The following PCDHGA4 variants were observed in gnomAD, a reference collection of about 807,000 sequenced individuals.
PCDHGA4 encodes protocadherin gamma subfamily A, 4, also known as protocadherin gamma-A4.
PCDHGA4 carries 38 observed loss-of-function variants against 54.6 expected under a neutral mutation model. The ratio of observed to expected loss-of-function variants is 0.70; its 90% CI spans 0.54 to 0.91. The LOEUF is 0.91. PCDHGA4 is among the 40% of genes least tolerant of loss of function. PCDHGA4 has a pLI of 0.00. For synonymous variants in PCDHGA4, 511 were observed against 512.9 expected (o/e 1.00, Z 0.05); for missense variants, 1,298 against 1,220.9 (o/e 1.06, Z -0.94).
At chr5:141,488,183 T>C (rs1249953031) in intron 1 of PCDHGA4, among the ~76,000 whole-genome samples, 1 of 152,148 alleles carries the variant, frequency 6.6e-6, no homozygotes, top group Non-Finnish European at 1.5e-5. Flanking sequence ...CATAGATCTT[T>C]TGGTCTGGGT....
intron 1 of PCDHGA4, chr5:141,370,790 C>G: frequency 6.2e-7 from 1 of 1,614,040 alleles, no homozygotes; most frequent in East Asian, 2.2e-5. Context: ...ACCCACCGAC[C>G]TTTAGCCAAA....
chr5:141,372,472 T>C (rs1768797135), intron 1 of PCDHGA4: 8 of 1,614,034 alleles, frequency 5.0e-6, no homozygotes, highest in African/African-American at 1.3e-5. Flanking sequence ...TTTCACCTAG[T>C]AGTGGCGTTG....
intron 1 of PCDHGA4, among the ~76,000 whole-genome samples, chr5:141,434,409 T>G (rs2097692930): frequency 6.6e-6 from 1 of 152,232 alleles, no homozygotes; most frequent in South Asian, 2.1e-4. Context: ...TCTGCAGCAC[T>G]GTGACATGTT....
rs531773756 is a variant in PCDHGA4 at position 141,417,037 on chromosome 5, TTA to T, written c.2514+59417_2514+59418del. On this transcript the variant is annotated intron_variant, in intron 1 of 3. Coordinates refer to ENST00000571252, the MANE Select transcript of PCDHGA4 (RefSeq NM_018917.4). ...ATTTTGAAAAATACAGGTTTTTTTT[TTA>T]AAAAAAACTGCTCTTGACATTGTAG... 5.9e-5 allele frequency: 9 copies of T among 151,574 alleles called. 1 individual carries two copies. Among genetic ancestry groups the T allele is most frequent in the Admixed American group, 2.0e-4 (3 of 15,204 alleles). The allele number at this position is 151,574 out of a possible 1,614,324, so 9.4% of individuals were successfully genotyped here.
chr5:141,365,977 C>A (rs1374916355), intron 1 of PCDHGA4: 5 of 1,614,110 alleles, frequency 3.1e-6, no homozygotes, highest in African/African-American at 2.7e-5. Context: ...TGTCGCTGAG[C>A]CTGTTTGTGC....
rs749514405 is a variant in PCDHGA4, at chr5:141,361,238, T to A, written c.2514+3617T>A. The A allele has an allele frequency of 1.9e-6, 3 of 1,613,980 alleles. No individual in the cohort carries two copies. The Admixed American group carries it at 5.0e-5, about 27-fold the overall frequency. ...TCGCCACCAGGAACAGTGATCGCCT[T>A]GATAAAAACGAGAGACAGAGACTCT... is the stretch of plus-strand genomic sequence containing the variant. On this transcript the variant is annotated intron_variant, in intron 1 of 3. Coordinates refer to ENST00000571252, the MANE Select transcript of PCDHGA4 (RefSeq NM_018917.4).
rs200109598 is a variant in PCDHGA4 at position 141,388,741 on chromosome 5, A to C, written c.2514+31120A>C. ...ACTTTCTCTTTCAGTGAAGCTAGCC[A>C]GATCACCCAATTTGACCTGAACTCT... is the stretch of plus-strand genomic sequence containing the variant. On this transcript the variant is annotated intron_variant, in intron 1 of 3. Transcript: ENST00000571252. The C allele has an allele frequency of 1.3e-4, 203 of 1,613,906 alleles. No individual in the cohort carries two copies. The highest frequency in any genetic ancestry group is 1.7e-4 in the Non-Finnish European group (198 of 1,179,898).
chr5:141,408,773 T>C, intron 1 of PCDHGA4: 1 of 1,611,652 alleles, frequency 6.2e-7, no homozygotes, highest in Non-Finnish European at 8.5e-7. Flanking sequence ...TGGTGGCAAA[T>C]ACCCAGAGTT....
At chr5:141,394,789 C>A (rs747304715) in intron 1 of PCDHGA4, 1 of 1,613,728 alleles carries the variant, frequency 6.2e-7, no homozygotes, top group South Asian at 1.1e-5. Context: ...GCCACTGTCA[C>A]GCTCACCGTA....
chr5:141,393,057 G>A lies in PCDHGA4; in HGVS notation c.2514+35436G>A, dbSNP rs1273747847. On this transcript the variant is annotated intron_variant, in intron 1 of 3. Transcript: ENST00000571252. ...GCTCTTTGCTCTGAACCCGCGCAGC[G>A]GCAGCTTGATCACCGCGGGCAGGAT... 6 of 1,613,514 alleles carry A rather than the reference G, an allele frequency of 3.7e-6. No homozygotes were observed. The African/African-American group carries it at 4.0e-5, about 11-fold the overall frequency.
intron 1 of PCDHGA4, chr5:141,415,740 G>GTTTTGTTTTT (rs2095911163): frequency 1.9e-6 from 1 of 515,998 alleles, no homozygotes; most frequent in African/African-American, 2.8e-5. Context: ...GTTTATTAAG[G>GTTTTGTTTTT]TTTTTTTTTT....
rs1451071413 is a variant in PCDHGA4, at chr5:141,415,742, T to G, written c.2514+58121T>G. 19 of 216,608 alleles carry G rather than the reference T, an allele frequency of 8.8e-5. 1 individual carries two copies. In the Admixed American group the frequency reaches 4.5e-3, roughly 51 times the overall value. 13.4% of individuals were successfully genotyped at this position (216,608 alleles called of 1,614,324 possible). ...AGTAGAATTTGATGTTTATTAAGGT[T>G]TTTTTTTTTTTTTTTTTTTTTTTTT... On this transcript the variant is annotated intron_variant, in intron 1 of 3. Transcript: ENST00000571252.
Position 141,364,330 on chromosome 5 carries a change from A to C in PCDHGA4, c.2514+6709A>C, listed in dbSNP as rs765774882. The C allele has an allele frequency of 8.9e-5, 137 of 1,531,760 alleles. 1 individual carries two copies. The highest frequency in any genetic ancestry group is 7.0e-6 in the Non-Finnish European group (8 of 1,143,452). The allele number at this position is 1,531,760 out of a possible 1,614,324, so 94.9% of individuals were successfully genotyped here. On this transcript the variant is annotated intron_variant, in intron 1 of 3. Transcript: ENST00000571252. ...AGAGAAAATTGGGCAGAGAGAAGGC[A>C]ATGGCGAGTCCACCTAGGGGCTGGG...
intron 1 of PCDHGA4, chr5:141,404,498 G>A (rs1237860716): frequency 6.2e-7 from 1 of 1,613,878 alleles, no homozygotes; most frequent in East Asian, 2.2e-5. Context: ...TGTGCTGTAT[G>A]CTCTGTGCTC....
Position 141,487,503 on chromosome 5 carries a change from C to T in PCDHGA4, c.2515-7304C>T. On this transcript the variant is annotated intron_variant, in intron 1 of 3. Transcript: ENST00000571252. The surrounding 1 kb of genome is among the most constrained non-coding windows in gnomAD (Gnocchi z 5.0). The stretch of plus-strand genomic sequence containing the variant: ...TCTCATGGCTGTACACCCTTGGCTT[C>T]TGCACCCACTCGGAGTGATAGCTTC... 1 of 1,614,220 alleles carries T rather than the reference C, an allele frequency of 6.2e-7. No homozygotes were observed. Among genetic ancestry groups the T allele is most frequent in the Non-Finnish European group, 8.5e-7 (1 of 1,180,042 alleles).
intron 1 of PCDHGA4, chr5:141,398,829 C>T (rs1020690994): frequency 3.1e-6 from 5 of 1,613,876 alleles, no homozygotes; most frequent in African/African-American, 2.7e-5. Context: ...AGGTAACCGA[C>T]GCCAATGATA....
At chr5:141,422,187 T>A in intron 1 of PCDHGA4, 1 of 1,561,762 alleles carries the variant, frequency 6.4e-7, no homozygotes, top group South Asian at 1.2e-5. Context: ...AGATGGAAAT[T>A]CAAGGCCAAG....
At chr5:141,458,891 G>A (rs775720263) in intron 1 of PCDHGA4, among the ~76,000 whole-genome samples, 10 of 151,976 alleles carry the variant, frequency 6.6e-5, no homozygotes, top group South Asian at 2.1e-4. Context: ...CACACCATGC[G>A]CAGCTAATTT....
Position 141,432,856 on chromosome 5 carries a change from G to A in PCDHGA4, c.2515-61951G>A, listed in dbSNP as rs773243805. 8.7e-6 allele frequency: 14 copies of A among 1,614,024 alleles called. No homozygotes were observed. The highest frequency in any genetic ancestry group is 1.3e-5 in the African/African-American group (1 of 74,908). ...TGTACCTGGTGGTAGCGGTGGCCGC[G>A]GTCTCCTGCGTCTTCCTGGCCTTCG... On this transcript the variant is annotated intron_variant, in intron 1 of 3. Coordinates refer to ENST00000571252, the MANE Select transcript of PCDHGA4 (RefSeq NM_018917.4). The surrounding 1 kb of genome is among the most constrained non-coding windows in gnomAD (Gnocchi z 6.0).
Sources: allele counts gnomAD v4.1 joint callset (sites outside exome capture counted in the v4.1 genomes callset), GRCh38; gene constraint gnomAD v4.1.1; non-coding constraint Gnocchi (gnomAD v3.1); transcripts MANE v1.5; gene names NCBI Gene and HGNC (gene_info 2026-07-23, HGNC 2026-07-21).